The following CPNE3 variants were observed in gnomAD, a reference collection of about 807,000 sequenced individuals.
CPNE3 encodes copine-3.
Under a neutral mutation model 63.9 loss-of-function variants are expected in CPNE3, and 68 were observed. The observed-to-expected ratio is 1.06, with a 90% CI of 0.87 to 1.30. CPNE3 has a LOEUF of 1.30. Among genes scored for constraint, CPNE3 ranks in the 50% most tolerant of loss-of-function variants. The probability of loss-of-function intolerance (pLI) is 0.00; values close to 1 mark genes in which losing one functional copy is unlikely to be tolerated. For missense variants in CPNE3, 665 were observed against 578.1 expected, an observed-to-expected ratio of 1.15 and a Z score of -1.54; for synonymous variants, 219 against 197.5, an observed-to-expected ratio of 1.11 and a Z score of -0.91.
intron 4 of CPNE3, 144 bp downstream of exon 4, chr8:86,529,268 C>T (rs1820616507): frequency 1.6e-6 from 1 of 634,626 alleles, no homozygotes; most frequent in Admixed American, 3.0e-5. Context: ...ATATGATTGG[C>T]TTGAACATTA....
chr8:86,554,710 A>G (rs896021081), intron 14 of CPNE3, 141 bp from the exon 15 acceptor site: 1 of 940,082 alleles, frequency 1.1e-6, no homozygotes, highest in Non-Finnish European at 1.6e-6. Flanking sequence ...TACATAGCTT[A>G]GAGGAACTAC....
rs1340540229 is a variant in CPNE3 at position 86,548,351 on chromosome 8, C to G, written c.930C>G (p.Ser310=). ...GSNGDPRSPD[S]LHYISPNGVN... Reference sequence around the variant, plus strand: ...ATGGTGACCCAAGGTCTCCAGACTCCCTTCATTACATCAGCCCCAATGGCG... The same window carrying G: ...ATGGTGACCCAAGGTCTCCAGACTCGCTTCATTACATCAGCCCCAATGGCG... Residue 310 remains serine, a synonymous_variant, in exon 12 of 17, where the codon TCC becomes TCG. Coordinates refer to ENST00000517490, the MANE Select transcript of CPNE3 (RefSeq NM_003909.5). 1.2e-6 allele frequency: 2 copies of G among 1,613,962 alleles called. No individual in the cohort carries two copies. Among genetic ancestry groups the G allele is most frequent in the African/African-American group, 2.7e-5 (2 of 74,894 alleles).
chr8:86,554,287 G>T (rs1195561737), intron 14 of CPNE3, among the ~76,000 whole-genome samples: 1 of 152,198 alleles, frequency 6.6e-6, no homozygotes, highest in Admixed American at 6.5e-5. Flanking sequence ...TGCTTCTGCA[G>T]CAAAATGGAT....
At chr8:86,531,785 T>C (rs1331357194) in intron 5 of CPNE3, among the ~76,000 whole-genome samples, 1 of 152,212 alleles carries the variant, frequency 6.6e-6, no homozygotes. Context: ...TTTCCCATTA[T>C]ATAATGCCAA....
At chr8:86,531,040 T>C in intron 4 of CPNE3, 115 bp from the exon 5 acceptor site, 1 of 651,450 alleles carries the variant, frequency 1.5e-6, no homozygotes, top group Non-Finnish European at 2.8e-6. Context: ...TGAATGTTTC[T>C]ATTTCTAATG....
intron 12 of CPNE3, among the ~76,000 whole-genome samples, chr8:86,548,900 G>A (rs920434040): frequency 6.6e-5 from 10 of 152,080 alleles, no homozygotes; most frequent in African/African-American, 2.2e-4. Context: ...CTATTTCTTA[G>A]CATATCTATG....
chr8:86,533,149 C>A (rs1820722734), intron 6 of CPNE3, among the ~76,000 whole-genome samples: 1 of 152,050 alleles, frequency 6.6e-6, no homozygotes, highest in African/African-American at 2.4e-5. Context: ...ATCTCATACT[C>A]CCAAAGTGTT....
At chr8:86,532,475 C>T (rs1820703729) in intron 5 of CPNE3, 34 bp from the exon 6 acceptor site, 2 of 1,544,008 alleles carry the variant, frequency 1.3e-6, no homozygotes, top group Non-Finnish European at 1.8e-6. Flanking sequence ...ATTCCTAAAA[C>T]ATATTTTCTT....
At position 86,551,053 on chromosome 8, in the gene CPNE3, A is replaced by T; in HGVS notation, c.1021A>T (p.Met341Leu). ...LVIQDYDADKMFPAFGFGAQI... is the reference protein window; with the variant it reads ...LVIQDYDADKLFPAFGFGAQI... Reference sequence around the variant, plus strand: ...ATATTTTTTTCTTTTTAGTGATAAGATGTTTCCAGCTTTTGGTTTTGGCGC... The same window carrying T: ...ATATTTTTTTCTTTTTAGTGATAAGTTGTTTCCAGCTTTTGGTTTTGGCGC... Residue 341 changes from methionine (M) to leucine (L), a missense_variant, in exon 13 of 17, where the codon ATG (methionine) becomes TTG (leucine). By Grantham distance (15) the Met-to-Leu change is conservative. Transcript: ENST00000517490. The T allele has an allele frequency of 6.2e-7, 1 of 1,605,782 alleles. No individual in the cohort carries two copies. The highest frequency in any genetic ancestry group is 2.2e-5 in the East Asian group (1 of 44,674).
chr8:86,516,715 C>T (rs374512973), intron 2 of CPNE3, among the ~76,000 whole-genome samples: 52 of 152,258 alleles, frequency 3.4e-4, no homozygotes, highest in African/African-American at 1.3e-3. Context: ...ATGGCTTATC[C>T]ATTGTTTCCT....
chr8:86,540,426 G>C, intron 8 of CPNE3, 92 bp downstream of exon 8: 2 of 545,486 alleles, frequency 3.7e-6, no homozygotes, highest in Non-Finnish European at 5.8e-6. Context: ...TTTAAAGAAA[G>C]TAAATGATGT....
Position 86,558,624 on chromosome 8 carries a change from A to G in CPNE3, c.*214A>G. 4 of 473,082 alleles carry G rather than the reference A, an allele frequency of 8.5e-6. No individual in the cohort carries two copies. Among genetic ancestry groups the G allele is most frequent in the South Asian group, 6.7e-5 (2 of 29,700 alleles). The allele number at this position is 473,082 out of a possible 1,614,324, so 29.3% of individuals were successfully genotyped here. On this transcript the variant is annotated 3_prime_UTR_variant, in exon 17 of 17. Transcript: ENST00000517490. ...CCAGTCAATTCAGTGATTGATAGCA[A>G]TTTACATTAATTGCAGTAAAGCTCT...
At chr8:86,547,645 C>A in intron 10 of CPNE3, 66 bp from the exon 11 acceptor site, 1 of 753,922 alleles carries the variant, frequency 1.3e-6, no homozygotes, top group Non-Finnish European at 2.3e-6. Flanking sequence ...AAATATATGC[C>A]AAAGAGTTTT....
chr8:86,545,948 G>A (rs934451878), intron 9 of CPNE3, among the ~76,000 whole-genome samples: 1 of 152,126 alleles, frequency 6.6e-6, no homozygotes, highest in African/African-American at 2.4e-5. Flanking sequence ...GAAGACTAGA[G>A]TAGCAGTGGA....
chr8:86,523,068 T>C (rs1457258732), intron 2 of CPNE3, among the ~76,000 whole-genome samples: 1 of 152,250 alleles, frequency 6.6e-6, no homozygotes, highest in East Asian at 1.9e-4. Context: ...ACAAGCCATC[T>C]ATGCTGAGAC....
chr8:86,534,302 C>G (rs1199868762), intron 6 of CPNE3, among the ~76,000 whole-genome samples: 1 of 152,120 alleles, frequency 6.6e-6, no homozygotes, highest in Non-Finnish European at 1.5e-5. Context: ...GAGGCTCACA[C>G]TGACTTGTGT....
intron 2 of CPNE3, among the ~76,000 whole-genome samples, chr8:86,517,794 T>A (rs2131416053): frequency 6.6e-6 from 1 of 152,200 alleles, no homozygotes; most frequent in East Asian, 1.9e-4. Context: ...GGTGGCCTGC[T>A]TTGTTTATTG....
Position 86,560,968 on chromosome 8 carries a change from C to G in CPNE3, c.*2558C>G, listed in dbSNP as rs867047248. 1 of 152,138 alleles carries G rather than the reference C, an allele frequency of 6.6e-6. No homozygotes were observed. Among genetic ancestry groups the G allele is most frequent in the Non-Finnish European group, 1.5e-5 (1 of 68,032 alleles). The allele number at this position is 152,138 out of a possible 1,614,324, so 9.4% of individuals were successfully genotyped here. A position where few individuals can be genotyped will look rare whatever the true frequency, so the allele number is the denominator to read the frequency against. ...ATAGATGTAATATTTCTTACAGATGCTGGCACAGAGGAAATAATATACCAG... is the reference window on the plus strand; with the variant it reads ...ATAGATGTAATATTTCTTACAGATGGTGGCACAGAGGAAATAATATACCAG... On this transcript the variant is annotated 3_prime_UTR_variant, in exon 17 of 17. Transcript: ENST00000517490.
At chr8:86,543,282 C>G (rs555600440) in intron 8 of CPNE3, among the ~76,000 whole-genome samples, 1 of 152,082 alleles carries the variant, frequency 6.6e-6, no homozygotes, top group Non-Finnish European at 1.5e-5. Flanking sequence ...AATAAAATCC[C>G]TTTCTGTTAC....
Sources: gnomAD v4.1 joint callset for allele counts (sites outside exome capture counted in the v4.1 genomes callset) on GRCh38, gnomAD v4.1.1 for gene constraint, MANE v1.5 for transcripts, NCBI Gene and HGNC (gene_info 2026-07-23, HGNC 2026-07-21) for gene names.